The following CEP350 variants were observed in gnomAD, a reference collection of about 807,000 sequenced individuals.
CEP350 encodes centrosome-associated protein 350.
CEP350 carries 126 observed loss-of-function variants against 331.8 expected under a neutral mutation model. The ratio of observed to expected loss-of-function variants is 0.38; its 90% CI spans 0.33 to 0.44. CEP350 has a LOEUF of 0.44. CEP350 is among the 20% of genes least tolerant of loss of function. The probability of loss-of-function intolerance (pLI) is 1.00; values close to 1 mark genes in which losing one functional copy is unlikely to be tolerated. For missense variants in CEP350, 3,406 were observed against 3,634.6 expected, an observed-to-expected ratio of 0.94 and a Z score of 1.62; for synonymous variants, 1,200 against 1,259.5, an observed-to-expected ratio of 0.95 and a Z score of 1.00.
intron 14 of CEP350, among the ~76,000 whole-genome samples, chr1:180,029,637 A>G (rs949758741): frequency 1.3e-5 from 2 of 152,156 alleles, no homozygotes; most frequent in African/African-American, 4.8e-5. Context: ...CCGTCCCTTC[A>G]GTTCTGGCAA....
intron 19 of CEP350, among the ~76,000 whole-genome samples, chr1:180,042,287 T>A (rs1234722612): frequency 6.6e-6 from 1 of 152,130 alleles, no homozygotes; most frequent in Non-Finnish European, 1.5e-5. Context: ...GATGTTTCAT[T>A]TTTACCCAGA....
chr1:180,000,339 C>T (rs1289092656), intron 6 of CEP350: 1 of 149,244 alleles, frequency 6.7e-6, no homozygotes, highest in Non-Finnish European at 1.5e-5. Flanking sequence ...TGCCACACTT[C>T]CTTTTTTTTT....
intron 27 of CEP350, among the ~76,000 whole-genome samples, chr1:180,066,311 A>G (rs1039009640): frequency 2.6e-5 from 4 of 152,218 alleles, no homozygotes; most frequent in Admixed American, 6.5e-5. Flanking sequence ...CCCATTAAAT[A>G]TGGAAGAGAC....
intron 18 of CEP350, 53 bp downstream of exon 18, chr1:180,041,301 G>T: frequency 7.8e-7 from 1 of 1,285,582 alleles, no homozygotes; most frequent in Non-Finnish European, 1.1e-6. Context: ...TTGTATCTTA[G>T]AAATTACTTT....
Position 180,084,015 on chromosome 1 carries a change from C to T in CEP350, c.6125-3C>T, listed in dbSNP as rs563181276. The T allele has an allele frequency of 6.1e-6, 9 of 1,471,858 alleles. No homozygotes were observed. The African/African-American group carries it at 1.3e-4, about 21-fold the overall frequency. The allele number at this position is 1,471,858 out of a possible 1,614,324, so 91.2% of individuals were successfully genotyped here. A position where few individuals can be genotyped will look rare whatever the true frequency, so the allele number is the denominator to read the frequency against. The stretch of plus-strand genomic sequence containing the variant: ...TAAATAAAAGATTTTGTATCTCTTT[C>T]AGAAACTACATCTGACCAGAGTGAT... On this transcript the variant is annotated splice_polypyrimidine_tract_variant and splice_region_variant and intron_variant, in intron 30 of 37. Transcript: ENST00000367607.
rs200101464 is a variant in CEP350 at position 180,003,326 on chromosome 1, A to G, written c.1132+39A>G. 125 of 1,234,466 alleles carry G rather than the reference A, an allele frequency of 1.0e-4. No homozygotes were observed. In the African/African-American group the frequency reaches 1.7e-3, roughly 17 times the overall value. 76.5% of individuals were successfully genotyped at this position (1,234,466 alleles called of 1,614,324 possible). On this transcript the variant is annotated intron_variant, in intron 7 of 37. Coordinates refer to ENST00000367607, the MANE Select transcript of CEP350 (RefSeq NM_014810.5). Reference sequence around the variant, plus strand: ...TTTCTTATGTTTTGAGTATTTTGTCATACATGCTATCTAATTTATAATATT... The same window carrying G: ...TTTCTTATGTTTTGAGTATTTTGTCGTACATGCTATCTAATTTATAATATT...
chr1:179,969,569 G>A, intron 1 of CEP350: 1 of 329,756 alleles, frequency 3.0e-6, no homozygotes, highest in Non-Finnish European at 6.0e-6. Context: ...AAAATAAGCA[G>A]CAGTTTCTAA....
In CEP350 at chr1:180,016,660, G is replaced by T. The variant is rs75981929; in HGVS notation, c.2174+690G>T. Among the ~76,000 whole-genome samples, 194 of 128,202 alleles carry T rather than the reference G, an allele frequency of 1.5e-3. 2 individuals carry two copies. The highest frequency in any genetic ancestry group is 4.4e-3 in the Middle Eastern group (1 of 228). The allele number at this position is 128,202 out of a possible 152,430, so 84.1% of individuals were successfully genotyped here. The stretch of plus-strand genomic sequence containing the variant: ...AAATCACTATCCAATTTTGGGTTAT[G>T]TTTTTTTTTTTTTTTTTTGGAGACA... On this transcript the variant is annotated intron_variant, in intron 11 of 37. Coordinates refer to ENST00000367607, the MANE Select transcript of CEP350 (RefSeq NM_014810.5).
chr1:179,954,928 G>A lies in CEP350; in HGVS notation c.-228G>A, dbSNP rs1468061951. 9 of 808,710 alleles carry A rather than the reference G, an allele frequency of 1.1e-5. No individual in the cohort carries two copies. In the East Asian group the frequency reaches 3.0e-4, roughly 27 times the overall value. 50.1% of individuals were successfully genotyped at this position (808,710 alleles called of 1,614,324 possible). Reference sequence around the variant, plus strand: ...GGAGCCGCAGCTCGGGGGGTGGCTTGCCCTGAGGGAGGGGAGGCAGCCTTT... The same window carrying A: ...GGAGCCGCAGCTCGGGGGGTGGCTTACCCTGAGGGAGGGGAGGCAGCCTTT... On this transcript the variant is annotated 5_prime_UTR_variant, in exon 1 of 38. Coordinates refer to ENST00000367607, the MANE Select transcript of CEP350 (RefSeq NM_014810.5).
At chr1:180,074,117 TAGTA>T (rs1659070272) in intron 27 of CEP350, among the ~76,000 whole-genome samples, 1 of 152,202 alleles carries the variant, frequency 6.6e-6, no homozygotes, top group Admixed American at 6.5e-5. Context: ...TTGTGCTTTT[TAGTA>T]AGTGTTTGTG....
At chr1:180,003,077 T>C in intron 6 of CEP350, 97 bp from the exon 7 acceptor site, 1 of 738,276 alleles carries the variant, frequency 1.4e-6, no homozygotes, top group Non-Finnish European at 2.2e-6. Flanking sequence ...AGAGTGAATT[T>C]TATGTATGTC....
At chr1:180,052,200 T>C (rs1657549661) in intron 22 of CEP350, 1 of 450,940 alleles carries the variant, frequency 2.2e-6, no homozygotes, top group Non-Finnish European at 4.4e-6. Flanking sequence ...GCCTACAAAT[T>C]CTTTCTTTCT....
At position 180,036,973 on chromosome 1, in the gene CEP350, G is replaced by T; in HGVS notation, c.3994G>T (p.Glu1332Ter). The change falls in exon 17 of 38, where the codon GAA becomes TAA. Residue 1332 changes from glutamate to a stop codon, truncating the protein, a stop_gained. Coordinates refer to ENST00000367607, the MANE Select transcript of CEP350 (RefSeq NM_014810.5). LOFTEE classifies it high-confidence loss of function. ...PAGLHHRMAA[E>*]LSYLNAIEES... ...TGGCCTCCATCATCGTATGGCAGCAGAACTCAGTTATCTGAACGCCATTGA... is the reference window on the plus strand; with the variant it reads ...TGGCCTCCATCATCGTATGGCAGCATAACTCAGTTATCTGAACGCCATTGA... 6.3e-7 allele frequency: 1 copy of T among 1,594,260 alleles called. No individual in the cohort carries two copies. Among genetic ancestry groups the T allele is most frequent in the Admixed American group, 1.8e-5 (1 of 56,844 alleles).
chr1:180,087,806 C>G, intron 32 of CEP350, 89 bp downstream of exon 32: 2 of 1,238,768 alleles, frequency 1.6e-6, no homozygotes, highest in Non-Finnish European at 2.1e-6. Flanking sequence ...CTTTAAGTAA[C>G]TGAAATTACA....
chr1:180,075,709 C>G (rs1014544932), intron 28 of CEP350, among the ~76,000 whole-genome samples: 1 of 151,860 alleles, frequency 6.6e-6, no homozygotes, highest in African/African-American at 2.4e-5. Context: ...AATCTTAGCA[C>G]TTTGGGAGTC....
intron 17 of CEP350, among the ~76,000 whole-genome samples, 186 bp downstream of exon 17, chr1:180,037,275 A>C (rs1218708257): frequency 2.6e-5 from 4 of 152,206 alleles, no homozygotes; most frequent in African/African-American, 9.6e-5. Context: ...TGGCAGCAGA[A>C]CAATAATAAA....
In CEP350 at chr1:180,035,965, C is replaced by T. The variant is rs192753824; in HGVS notation, c.3947-961C>T. Among the ~76,000 whole-genome samples, 4 of 152,298 alleles carry T rather than the reference C, an allele frequency of 2.6e-5. No individual in the cohort carries two copies. The East Asian group carries it at 7.7e-4, about 29-fold the overall frequency. On this transcript the variant is annotated intron_variant, in intron 16 of 37. Transcript: ENST00000367607. ...TTGATCACCTTCTGGAAAGGATTCA[C>T]TGTTCTAGATGCCATTAAGAACAGT...
intron 25 of CEP350, among the ~76,000 whole-genome samples, chr1:180,059,280 T>G (rs1316389962): frequency 1.3e-5 from 2 of 152,238 alleles, no homozygotes; most frequent in East Asian, 3.8e-4. Context: ...TGATACTCTG[T>G]TATGAATTTG....
intron 1 of CEP350, among the ~76,000 whole-genome samples, chr1:179,974,245 A>C (rs2148612514): frequency 6.6e-6 from 1 of 152,030 alleles, no homozygotes; most frequent in Non-Finnish European, 1.5e-5. Context: ...ACGTCTGGCT[A>C]ATTTTTTGGT....
Sources: allele counts gnomAD v4.1 joint callset (sites outside exome capture counted in the v4.1 genomes callset), GRCh38; gene constraint gnomAD v4.1.1; transcripts MANE v1.5; gene names NCBI Gene and HGNC (gene_info 2026-07-23, HGNC 2026-07-21).